The following PLXNA4 variants were observed in gnomAD, a reference collection of about 807,000 sequenced individuals.
PLXNA4 encodes the protein plexin A4, also known as plexin-A4.
Under a neutral mutation model 191.8 loss-of-function variants are expected in PLXNA4, and 44 were observed. The observed-to-expected ratio is 0.23, with a 90% CI of 0.18 to 0.29. The LOEUF is 0.29. Ranked by LOEUF, PLXNA4 falls within the 10% of genes least tolerant of loss-of-function variation. PLXNA4 has a pLI of 1.00. For missense variants in PLXNA4, 1,800 were observed against 2,488.8 expected, an observed-to-expected ratio of 0.72 and a Z score of 5.89; for synonymous variants, 1,082 against 1,009.5, an observed-to-expected ratio of 1.07 and a Z score of -1.36.
At chr7:132,526,520 G>C (rs1028650008) in intron 1 of PLXNA4, among the ~76,000 whole-genome samples, 1 of 152,150 alleles carries the variant, frequency 6.6e-6, no homozygotes, top group Non-Finnish European at 1.5e-5. Context: ...CAGACTCAAA[G>C]GCCCCGCCAA....
At chr7:132,413,232 C>T (rs1322960949) in intron 3 of PLXNA4, among the ~76,000 whole-genome samples, 1 of 152,196 alleles carries the variant, frequency 6.6e-6, no homozygotes, top group East Asian at 1.9e-4. Context: ...GCTGCACAGG[C>T]ACACAGCAAA....
intron 30 of PLXNA4, among the ~76,000 whole-genome samples, chr7:132,138,004 G>T (rs1328185513): frequency 6.6e-6 from 1 of 152,024 alleles, no homozygotes; most frequent in Non-Finnish European, 1.5e-5. Context: ...GTGGGGGATG[G>T]GTGGGAGGAC....
intron 5 of PLXNA4, among the ~76,000 whole-genome samples, chr7:132,235,621 C>T (rs1011059704): frequency 6.6e-6 from 1 of 152,194 alleles, no homozygotes; most frequent in South Asian, 2.1e-4. Flanking sequence ...TCTTGGGTTA[C>T]ATGAGCCTCC....
At chr7:132,227,988 G>A (rs909219621) in intron 6 of PLXNA4, among the ~76,000 whole-genome samples, 3 of 152,194 alleles carry the variant, frequency 2.0e-5, no homozygotes, top group East Asian at 3.8e-4. Flanking sequence ...GAACTTGGAA[G>A]TCACCTGTGC....
At chr7:132,401,155 G>A (rs934547081) in intron 3 of PLXNA4, among the ~76,000 whole-genome samples, 1 of 152,162 alleles carries the variant, frequency 6.6e-6, no homozygotes, top group Non-Finnish European at 1.5e-5. Context: ...AATCTGAATG[G>A]ATAAGCTTGG....
intron 4 of PLXNA4, among the ~76,000 whole-genome samples, chr7:132,262,254 A>G (rs1799673635): frequency 6.6e-6 from 1 of 152,172 alleles, no homozygotes; most frequent in Non-Finnish European, 1.5e-5. Context: ...AACCAAGCTC[A>G]TAAGTCACTC....
chr7:132,562,021 C>CCTCCTCCTT (rs1335346998), intron 1 of PLXNA4, among the ~76,000 whole-genome samples: 1 of 104,210 alleles, frequency 9.6e-6, no homozygotes. Flanking sequence ...TACTCCTCCT[C>CCTCCTCCTT]CTCCTCCTTC....
chr7:132,412,934 C>A (rs1436764399), intron 3 of PLXNA4, among the ~76,000 whole-genome samples: 1 of 151,994 alleles, frequency 6.6e-6, no homozygotes, highest in Non-Finnish European at 1.5e-5. Context: ...GGTGCCATGA[C>A]AGAGGTAAAC....
chr7:132,217,353 C>A (rs73155292), intron 9 of PLXNA4, among the ~76,000 whole-genome samples: 4 of 152,180 alleles, frequency 2.6e-5, no homozygotes, highest in Non-Finnish European at 5.9e-5. Flanking sequence ...GAAAAGGCTG[C>A]CTTCAGGGCT....
At chr7:132,577,515 G>C (rs989023818), upstream of PLXNA4, among the ~76,000 whole-genome samples, 1 of 151,888 alleles carries the variant, frequency 6.6e-6, no homozygotes, top group Admixed American at 6.6e-5. Flanking sequence ...TAGAGCGAGG[G>C]AGAGCGGCCG....
In PLXNA4 at chr7:132,130,115, T is replaced by A. The variant is rs906894393; in HGVS notation, c.*364A>T. 8.6e-5 allele frequency: 20 copies of A among 232,558 alleles called. No homozygotes were observed. Among genetic ancestry groups the A allele is most frequent in the African/African-American group, 4.2e-4 (19 of 45,724 alleles). 14.4% of individuals were successfully genotyped at this position (232,558 alleles called of 1,614,324 possible). A position where few individuals can be genotyped will look rare whatever the true frequency, so the allele number is the denominator to read the frequency against. On this transcript the variant is annotated 3_prime_UTR_variant, in exon 32 of 32. Transcript: ENST00000321063. ...AAGGTGAAGTAGCAGCACAGAAATG[T>A]CCCCTGTCCCTGGCTCCTCATTCGT...
At chr7:132,563,364 T>C (rs1801446287) in intron 1 of PLXNA4, among the ~76,000 whole-genome samples, 1 of 108,920 alleles carries the variant, frequency 9.2e-6, no homozygotes, top group East Asian at 3.3e-4. Flanking sequence ...CTCCTTCTCC[T>C]CCTCCTCCTC....
At chr7:132,486,702 C>A (rs1797572893) in intron 3 of PLXNA4, among the ~76,000 whole-genome samples, 1 of 152,234 alleles carries the variant, frequency 6.6e-6, no homozygotes, top group African/African-American at 2.4e-5. Flanking sequence ...TAGAATATCC[C>A]AGGTGGCTGA....
rs1794726199 is a variant in PLXNA4, at chr7:132,124,862, G to C, written c.*5617C>G. 6.6e-6 allele frequency: 1 copy of C among 152,180 alleles called. No individual in the cohort carries two copies. The highest frequency in any genetic ancestry group is 1.5e-5 in the Non-Finnish European group (1 of 68,022). 9.4% of individuals were successfully genotyped at this position (152,180 alleles called of 1,614,324 possible). A position where few individuals can be genotyped will look rare whatever the true frequency, so the allele number is the denominator to read the frequency against. ...GTTCTTTTTGTATATGAAGGATTTT[G>C]TTTCGTTTTGTTTAACTTTGCTTTG... On this transcript the variant is annotated 3_prime_UTR_variant, in exon 32 of 32. Coordinates refer to ENST00000321063, the MANE Select transcript of PLXNA4 (RefSeq NM_020911.2).
At chr7:132,162,745 A>G (rs1479892212) in intron 24 of PLXNA4, among the ~76,000 whole-genome samples, 1 of 151,976 alleles carries the variant, frequency 6.6e-6, no homozygotes, top group Non-Finnish European at 1.5e-5. Context: ...GCTCCTTTGA[A>G]TCTTCATAAC....
chr7:132,432,032 C>A (rs1031029868), intron 3 of PLXNA4, among the ~76,000 whole-genome samples: 1 of 152,136 alleles, frequency 6.6e-6, no homozygotes, highest in African/African-American at 2.4e-5. Context: ...TGAGCTCTCC[C>A]CCACACCTTT....
chr7:132,428,757 C>T (rs1490727474), intron 3 of PLXNA4, among the ~76,000 whole-genome samples: 1 of 152,186 alleles, frequency 6.6e-6, no homozygotes, highest in Non-Finnish European at 1.5e-5. Context: ...ACTCCATTCC[C>T]TGTCTGCAAT....
chr7:132,167,989 A>G (rs1335886598), intron 22 of PLXNA4, among the ~76,000 whole-genome samples: 1 of 152,226 alleles, frequency 6.6e-6, no homozygotes, highest in Non-Finnish European at 1.5e-5. Flanking sequence ...TGACCTCTGA[A>G]GATTCCATGA....
intron 1 of PLXNA4, among the ~76,000 whole-genome samples, chr7:132,568,230 C>G (rs995008203): frequency 2.0e-5 from 3 of 152,172 alleles, no homozygotes; most frequent in African/African-American, 4.8e-5. Flanking sequence ...ATTACGACCT[C>G]CCCCTGCTTC....
Sources: gnomAD v4.1 joint callset for allele counts (sites outside exome capture counted in the v4.1 genomes callset) on GRCh38, gnomAD v4.1.1 for gene constraint, MANE v1.5 for transcripts, NCBI Gene and HGNC (gene_info 2026-07-23, HGNC 2026-07-21) for gene names.